The following KCMF1 variants were observed in gnomAD, a reference collection of about 807,000 sequenced individuals.
KCMF1 encodes the protein E3 ubiquitin-protein ligase KCMF1.
KCMF1 carries 3 observed loss-of-function variants against 41.1 expected under a neutral mutation model. The ratio of observed to expected loss-of-function variants is 0.07; its 90% CI spans 0.03 to 0.19. KCMF1 has a LOEUF of 0.19. KCMF1 is among the 10% of genes least tolerant of loss of function. The probability of loss-of-function intolerance (pLI) is 1.00; values close to 1 mark genes in which losing one functional copy is unlikely to be tolerated. For synonymous variants in KCMF1, 142 were observed against 164.5 expected (o/e 0.86, Z 1.04); for missense variants, 286 against 488.9 (o/e 0.58, Z 3.91).
chr2:85,003,003 T>C (rs1674371357), intron 1 of KCMF1, among the ~76,000 whole-genome samples: 1 of 152,198 alleles, frequency 6.6e-6, no homozygotes, highest in African/African-American at 2.4e-5. Flanking sequence ...GTTATGAATC[T>C]TGTATGGTTA....
chr2:85,041,761 CTTTTTTTT>C (rs76025789), intron 3 of KCMF1, among the ~76,000 whole-genome samples: 1 of 91,958 alleles, frequency 1.1e-5, no homozygotes, highest in African/African-American at 3.9e-5. Flanking sequence ...CATTGCTGGT[CTTTTTTTT>C]TTTTTTTTTT....
intron 5 of KCMF1, among the ~76,000 whole-genome samples, chr2:85,048,991 C>T (rs1205308177): frequency 2.6e-5 from 4 of 152,214 alleles, no homozygotes; most frequent in Admixed American, 6.5e-5. Flanking sequence ...CAGTAGACCT[C>T]ATCCCTGCTT....
intron 1 of KCMF1, among the ~76,000 whole-genome samples, chr2:85,008,316 T>TC (rs1674540084): frequency 1.0e-5 from 1 of 98,726 alleles, no homozygotes; most frequent in African/African-American, 4.4e-5. Flanking sequence ...ATATGATATA[T>TC]ATATCATATA....
chr2:84,981,006 G>A (rs924892442), intron 1 of KCMF1, among the ~76,000 whole-genome samples: 5 of 151,712 alleles, frequency 3.3e-5, no homozygotes, highest in African/African-American at 1.2e-4. Flanking sequence ...AGTGGCCACG[G>A]GGGTACTGGC....
chr2:84,994,956 C>G (rs372601413), intron 1 of KCMF1, among the ~76,000 whole-genome samples: 2 of 152,096 alleles, frequency 1.3e-5, no homozygotes, highest in African/African-American at 4.8e-5. Context: ...TTAATACATT[C>G]TTTTCATCGC....
At chr2:84,986,932 G>T (rs1673915018) in intron 1 of KCMF1, among the ~76,000 whole-genome samples, 1 of 152,132 alleles carries the variant, frequency 6.6e-6, no homozygotes, top group Admixed American at 6.5e-5. Flanking sequence ...CAAGGGTGAA[G>T]TGGGACAGGG....
chr2:84,986,370 AGG>A (rs1442639801), intron 1 of KCMF1, among the ~76,000 whole-genome samples: 2 of 152,182 alleles, frequency 1.3e-5, no homozygotes, highest in Non-Finnish European at 2.9e-5. Context: ...AGATTTCCTT[AGG>A]GTGGCATTTA....
At chr2:84,999,856 G>C (rs570082370) in intron 1 of KCMF1, among the ~76,000 whole-genome samples, 1 of 152,218 alleles carries the variant, frequency 6.6e-6, no homozygotes, top group East Asian at 1.9e-4. Flanking sequence ...TAGAGGCCCT[G>C]ACAGGAGACA....
intron 1 of KCMF1, among the ~76,000 whole-genome samples, chr2:85,008,765 CTTT>C (rs112609910): frequency 7.9e-5 from 11 of 139,070 alleles, no homozygotes; most frequent in African/African-American, 7.9e-5. Flanking sequence ...GACATGTACT[CTTT>C]TTTTTTTTTT....
chr2:85,029,001 ACTCT>A (rs1468515681), intron 2 of KCMF1, among the ~76,000 whole-genome samples: 6 of 151,854 alleles, frequency 4.0e-5, no homozygotes, highest in African/African-American at 1.5e-4. Context: ...ACAGAGTCTC[ACTCT>A]GTCGCCCACG....
intron 1 of KCMF1, chr2:85,013,905 A>G (rs958299500): frequency 2.6e-5 from 4 of 152,070 alleles, no homozygotes; most frequent in Admixed American, 1.3e-4. Flanking sequence ...AAATGACATT[A>G]TTCTCTTAAC....
rs567416914 is a variant in KCMF1, at chr2:85,008,444, T to C, written c.17-19445T>C. On this transcript the variant is annotated intron_variant, in intron 1 of 6. Coordinates refer to ENST00000409785, the MANE Select transcript of KCMF1 (RefSeq NM_020122.5). ...TGTGATATATATGATATATACATCA[T>C]ATATCTGAGATATATGTTACATGAT... is the stretch of plus-strand genomic sequence containing the variant. Among the ~76,000 whole-genome samples the C allele has an allele frequency of 1.2e-3, 163 of 135,678 alleles. 3 individuals are homozygous for C. The highest frequency in any genetic ancestry group is 2.2e-3 in the Admixed American group (28 of 12,586). 89.0% of individuals were successfully genotyped at this position (135,678 alleles called of 152,430 possible). A position where few individuals can be genotyped will look rare whatever the true frequency, so the allele number is the denominator to read the frequency against.
chr2:85,033,776 T>TAGC (rs1441349210), intron 2 of KCMF1, among the ~76,000 whole-genome samples: 3 of 152,142 alleles, frequency 2.0e-5, no homozygotes, highest in Non-Finnish European at 4.4e-5. Flanking sequence ...ATTCAAACCA[T>TAGC]AGCAATTACC....
chr2:84,992,494 G>A (rs1674065737), intron 1 of KCMF1, among the ~76,000 whole-genome samples: 1 of 152,104 alleles, frequency 6.6e-6, no homozygotes, highest in African/African-American at 2.4e-5. Flanking sequence ...GACCTCAGGT[G>A]AGCCACCGCG....
chr2:85,032,812 G>A (rs140693776), intron 2 of KCMF1, among the ~76,000 whole-genome samples: 5 of 152,284 alleles, frequency 3.3e-5, no homozygotes, highest in African/African-American at 9.6e-5. Context: ...CACCTCGCCC[G>A]GCGCCAAGAG....
intron 3 of KCMF1, among the ~76,000 whole-genome samples, chr2:85,036,838 A>G (rs1009694712): frequency 1.3e-5 from 2 of 148,316 alleles, no homozygotes; most frequent in Non-Finnish European, 3.0e-5. Flanking sequence ...ATATAAATAT[A>G]TTAATAAATA....
At chr2:85,006,192 T>A (rs555406883) in intron 1 of KCMF1, among the ~76,000 whole-genome samples, 1 of 152,200 alleles carries the variant, frequency 6.6e-6, no homozygotes, top group South Asian at 2.1e-4. Flanking sequence ...AGTGTTATAC[T>A]TATTTATGAT....
At chr2:85,047,099 G>C (rs538228392) in intron 5 of KCMF1, among the ~76,000 whole-genome samples, 16 of 152,182 alleles carry the variant, frequency 1.1e-4, no homozygotes, top group Non-Finnish European at 2.1e-4. Context: ...ATTCACTGGG[G>C]GTTTTGGAAC....
At chr2:85,044,738 C>T (rs189435368) in intron 4 of KCMF1, among the ~76,000 whole-genome samples, 2 of 152,128 alleles carry the variant, frequency 1.3e-5, no homozygotes, top group East Asian at 1.9e-4. Flanking sequence ...AGGCTGGTCT[C>T]GAACTCCTGA....
Sources: allele counts gnomAD v4.1 joint callset (sites outside exome capture counted in the v4.1 genomes callset), GRCh38; gene constraint gnomAD v4.1.1; transcripts MANE v1.5; gene names NCBI Gene and HGNC (gene_info 2026-07-23, HGNC 2026-07-21).